RASA1: variants seen among roughly 807,000 people sequenced by gnomAD.
RASA1 encodes the protein ras GTPase-activating protein 1.
Under a neutral mutation model 132.2 loss-of-function variants are expected in RASA1, and 25 were observed. That is an observed-to-expected ratio of 0.19 (90% CI 0.14 to 0.26). RASA1 has a LOEUF of 0.26. Among genes scored for constraint, RASA1 ranks in the 10% least tolerant of loss-of-function variants. The probability of loss-of-function intolerance (pLI) is 1.00; values close to 1 mark genes in which losing one functional copy is unlikely to be tolerated. For synonymous variants in RASA1, 477 were observed against 449.9 expected, an observed-to-expected ratio of 1.06 and a Z score of -0.76; for missense variants, 964 against 1,299.2, an observed-to-expected ratio of 0.74 and a Z score of 3.97.
chr5:87,384,109 T>C (rs1050044926), intron 21 of RASA1, among the ~76,000 whole-genome samples: 2 of 152,152 alleles, frequency 1.3e-5, no homozygotes, highest in African/African-American at 4.8e-5. Context: ...GGGAAGAGCT[T>C]TGCTTAGCCC....
chr5:87,268,982 A>G lies in RASA1; in HGVS notation c.531A>G (p.Pro177=), dbSNP rs758690287. Residue 177 remains proline, a synonymous_variant, in exon 1 of 25, where the codon CCA becomes CCG. Coordinates refer to ENST00000274376, the MANE Select transcript of RASA1 (RefSeq NM_002890.3). ...EEVAIPLTAP[P]TNQWYHGKLD... ...TGGCCATACCGTTGACCGCTCCTCC[A>G]ACTAACCAGTAAGTTAAGACTGCTG... is the stretch of plus-strand genomic sequence containing the variant. 1.2e-6 allele frequency: 2 copies of G among 1,614,240 alleles called. No individual in the cohort carries two copies. Among genetic ancestry groups the G allele is most frequent in the South Asian group, 1.1e-5 (1 of 91,080 alleles).
At chr5:87,355,240 GT>G (rs1373383796) in intron 9 of RASA1, among the ~76,000 whole-genome samples, 2 of 152,182 alleles carry the variant, frequency 1.3e-5, no homozygotes, top group Non-Finnish European at 2.9e-5. Context: ...CATGGCAAGA[GT>G]TAATGCTTGG....
At chr5:87,281,673 T>C (rs1312884285) in intron 1 of RASA1, among the ~76,000 whole-genome samples, 1 of 152,100 alleles carries the variant, frequency 6.6e-6, no homozygotes, top group Non-Finnish European at 1.5e-5. Context: ...CTCCGCCTCC[T>C]GGGTTTAAGC....
Position 87,268,590 on chromosome 5 carries a change from G to A in RASA1, c.139G>A (p.Ala47Thr). The change falls in exon 1 of 25, where the codon GCC becomes ACC. Residue 47 changes from alanine (A) to threonine (T), a missense_variant. Around this residue, in one of 6 missense-constraint regions of RASA1, gnomAD observed 326 missense variants for 275.8 expected, o/e 1.18. Transcript: ENST00000274376. ...ACCCGCGGCCCTGCCTGTGGCAGCC[G>A]CCCCCTATCCTGGGCTGGTGGAGAC... is the stretch of plus-strand genomic sequence containing the variant. ...KIPAALPVAA[A>T]PYPGLVETGV... 8 of 1,610,282 alleles carry A rather than the reference G, an allele frequency of 5.0e-6. No homozygotes were observed. Among genetic ancestry groups the A allele is most frequent in the Non-Finnish European group, 6.8e-6 (8 of 1,178,948 alleles).
intron 1 of RASA1, among the ~76,000 whole-genome samples, chr5:87,309,780 T>G (rs948900040): frequency 1.3e-5 from 2 of 152,118 alleles, no homozygotes; most frequent in Non-Finnish European, 2.9e-5. Context: ...CCTATAGTTT[T>G]TATAGTATTA....
At chr5:87,302,925 T>G (rs1190287890) in intron 1 of RASA1, among the ~76,000 whole-genome samples, 1 of 152,160 alleles carries the variant, frequency 6.6e-6, no homozygotes, top group East Asian at 1.9e-4. Context: ...TATTTGCCTG[T>G]GTTTTTTTCT....
chr5:87,299,647 T>TTGTGTGTG lies in RASA1; in HGVS notation c.539+30676_539+30683dup, dbSNP rs3988264. Reference sequence around the variant, plus strand: ...TCCCGCATCTCCCATAGTTAACCGTTTGTGTGTGTGTGTGTGTGTGTGTGT... The same window carrying TTGTGTGTG: ...TCCCGCATCTCCCATAGTTAACCGTTTGTGTGTGTGTGTGTGTGTGTGTGTGTGTGTGT... On this transcript the variant is annotated intron_variant, in intron 1 of 24. Coordinates refer to ENST00000274376, the MANE Select transcript of RASA1 (RefSeq NM_002890.3). 234 of 149,528 alleles carry TTGTGTGTG rather than the reference T, an allele frequency of 1.6e-3. 1 individual carries two copies. Among genetic ancestry groups the TTGTGTGTG allele is most frequent in the Middle Eastern group, 6.9e-3 (2 of 288 alleles). The allele number at this position is 149,528 out of a possible 1,614,324, so 9.3% of individuals were successfully genotyped here.
At chr5:87,377,599 A>T (rs1339384502) in intron 17 of RASA1, among the ~76,000 whole-genome samples, 2 of 152,114 alleles carry the variant, frequency 1.3e-5, no homozygotes, top group African/African-American at 2.4e-5. Flanking sequence ...AAGCCTCCCA[A>T]AGTGCCGGGG....
At chr5:87,361,473 G>A (rs1760085039) in intron 9 of RASA1, among the ~76,000 whole-genome samples, 1 of 152,128 alleles carries the variant, frequency 6.6e-6, no homozygotes, top group South Asian at 2.1e-4. Flanking sequence ...GATCCATGAA[G>A]TTTGTAAGAT....
chr5:87,361,395 A>C (rs1052942762), intron 9 of RASA1, among the ~76,000 whole-genome samples: 3 of 152,222 alleles, frequency 2.0e-5, no homozygotes, highest in Non-Finnish European at 4.4e-5. Context: ...ATGAAACAGC[A>C]TAATGTTTCA....
At chr5:87,385,963 T>C (rs1455676382) in intron 22 of RASA1, among the ~76,000 whole-genome samples, 1 of 152,054 alleles carries the variant, frequency 6.6e-6, no homozygotes, top group Non-Finnish European at 1.5e-5. Flanking sequence ...CTTTCATACT[T>C]ACTCAATTAT....
Position 87,383,928 on chromosome 5 carries a change from C to G in RASA1, c.2758+148C>G, listed in dbSNP as rs1409934068. 2.2e-5 allele frequency: 16 copies of G among 725,526 alleles called. No homozygotes were observed. In the East Asian group the frequency reaches 4.4e-4, roughly 20 times the overall value. 44.9% of individuals were successfully genotyped at this position (725,526 alleles called of 1,614,324 possible). On this transcript the variant is annotated intron_variant, in intron 21 of 24. Coordinates refer to ENST00000274376, the MANE Select transcript of RASA1 (RefSeq NM_002890.3). ...GAAGTATTCCAAAGCACCCTTCCTT[C>G]CTTGTGCTTGTGCTTCTTGGGCTTT...
At chr5:87,274,398 C>T (rs1753980391) in intron 1 of RASA1, among the ~76,000 whole-genome samples, 2 of 152,250 alleles carry the variant, frequency 1.3e-5, no homozygotes, top group South Asian at 4.1e-4. Context: ...CATTCATTAA[C>T]TTTGTCACTG....
At chr5:87,272,133 A>G (rs1394732899) in intron 1 of RASA1, among the ~76,000 whole-genome samples, 1 of 151,936 alleles carries the variant, frequency 6.6e-6, no homozygotes, top group Non-Finnish European at 1.5e-5. Context: ...GGGCAGCAAG[A>G]ACGAAACCCT....
chr5:87,324,097 C>T (rs1217767329), intron 1 of RASA1, among the ~76,000 whole-genome samples: 13 of 152,178 alleles, frequency 8.5e-5, no homozygotes, highest in Non-Finnish European at 1.8e-4. Flanking sequence ...TTTTAACCTT[C>T]AGACGTAGTG....
At chr5:87,303,164 C>G (rs1489166655) in intron 1 of RASA1, among the ~76,000 whole-genome samples, 1 of 152,082 alleles carries the variant, frequency 6.6e-6, no homozygotes, top group African/African-American at 2.4e-5. Flanking sequence ...TATAATAGCA[C>G]GACTAATTGT....
At chr5:87,363,639 T>C in intron 11 of RASA1, 135 bp downstream of exon 11, 1 of 968,768 alleles carries the variant, frequency 1.0e-6, no homozygotes, top group East Asian at 2.6e-5. Context: ...AATTTTTGCC[T>C]TCCTTGCTTA....
At chr5:87,315,325 G>A (rs528802042) in intron 1 of RASA1, among the ~76,000 whole-genome samples, 2 of 152,200 alleles carry the variant, frequency 1.3e-5, no homozygotes, top group Non-Finnish European at 2.9e-5. Flanking sequence ...CAAAGTGCAG[G>A]TAGTCACATG....
At chr5:87,339,283 T>A (rs1758265166) in intron 5 of RASA1, among the ~76,000 whole-genome samples, 1 of 152,174 alleles carries the variant, frequency 6.6e-6, no homozygotes. Context: ...AATGGTGTGA[T>A]ACAGTCCATA....
Sources: gnomAD v4.1 joint callset for allele counts (sites outside exome capture counted in the v4.1 genomes callset) on GRCh38, gnomAD v4.1.1 for gene constraint, gnomAD v4.1.1 regional missense constraint, MANE v1.5 for transcripts, NCBI Gene and HGNC (gene_info 2026-07-23, HGNC 2026-07-21) for gene names.